Variants in PYROXD2 observed in about 807,000 individuals in gnomAD.
PYROXD2 encodes pyridine nucleotide-disulphide oxidoreductase domain 2.
Under a neutral mutation model 71.1 loss-of-function variants are expected in PYROXD2, and 69 were observed. The observed-to-expected ratio is 0.97, with a 90% CI of 0.80 to 1.19. The LOEUF (loss-of-function observed/expected upper bound fraction) is 1.19. Ranked by LOEUF, PYROXD2 falls within the 50% of genes most tolerant of loss-of-function variation. The pLI is 0.00. For synonymous variants in PYROXD2, 287 were observed against 302.7 expected, an observed-to-expected ratio of 0.95 and a Z score of 0.54; for missense variants, 745 against 748.9, an observed-to-expected ratio of 0.99 and a Z score of 0.06.
chr10:98,408,060 G>C (rs566048915), intron 2 of PYROXD2, 63 bp from the exon 3 acceptor site: 3 of 1,496,618 alleles, frequency 2.0e-6, no homozygotes, highest in Admixed American at 2.0e-5. Context: ...GGGCTCCCTC[G>C]GGCTGACCCG....
At chr10:98,412,613 G>A (rs1843825423) in intron 1 of PYROXD2, among the ~76,000 whole-genome samples, 1 of 152,188 alleles carries the variant, frequency 6.6e-6, no homozygotes, top group Admixed American at 6.5e-5. Flanking sequence ...TCATCTTCAA[G>A]GTGGCGGCCA....
intron 13 of PYROXD2, chr10:98,388,013 C>A: frequency 3.6e-6 from 1 of 274,298 alleles, no homozygotes; most frequent in East Asian, 1.3e-4. Flanking sequence ...CCAGCTTGAC[C>A]ATCCCTTCCT....
intron 5 of PYROXD2, among the ~76,000 whole-genome samples, 187 bp from the exon 6 acceptor site, chr10:98,397,685 T>C (rs927178891): frequency 6.6e-6 from 1 of 151,308 alleles, no homozygotes; most frequent in Non-Finnish European, 1.5e-5. Context: ...CCAGGAAGAG[T>C]GCATGGGGTG....
In PYROXD2 at chr10:98,391,046, G is replaced by A. The variant is rs1842930107; in HGVS notation, c.1099C>T (p.Gln367Ter). Residue 367 changes from glutamine (Q) to a stop codon, truncating the protein, a stop_gained, in exon 11 of 16, where the codon CAG (glutamine) becomes TAG (stop). Coordinates refer to ENST00000370575, the MANE Select transcript of PYROXD2 (RefSeq NM_032709.3). LOFTEE classifies it high-confidence loss of function. ...LPEEFLERIS[Q>*]LDTRSPVTKI... ...GTGACAGGCGACCGGGTGTCCAGCT[G>A]AGAGATTCTCTCCAGGAACTCCTCA... 2 of 1,613,152 alleles carry A rather than the reference G, an allele frequency of 1.2e-6. No individual in the cohort carries two copies. Among genetic ancestry groups the A allele is most frequent in the East Asian group, 2.2e-5 (1 of 44,874 alleles).
intron 4 of PYROXD2, among the ~76,000 whole-genome samples, chr10:98,402,214 T>C (rs1843437206): frequency 6.6e-6 from 1 of 152,226 alleles, no homozygotes; most frequent in Non-Finnish European, 1.5e-5. Flanking sequence ...ATCCTCATTG[T>C]ACAAAAGCAA....
chr10:98,393,717 C>T (rs1843036310), intron 8 of PYROXD2, among the ~76,000 whole-genome samples: 1 of 152,086 alleles, frequency 6.6e-6, no homozygotes, highest in South Asian at 2.1e-4. Context: ...ATCCTGGAGC[C>T]CTATCTTAAA....
rs1843666282 is a variant in PYROXD2, at chr10:98,407,972, AC to A, written c.172del (p.Val58Ter). 3 of 1,608,500 alleles carry A rather than the reference AC, an allele frequency of 1.9e-6. No individual in the cohort carries two copies. Among genetic ancestry groups the A allele is most frequent in the Non-Finnish European group, 1.7e-6 (2 of 1,177,858 alleles). On this transcript the variant is annotated frameshift_variant, in exon 3 of 16. Coordinates refer to ENST00000370575, the MANE Select transcript of PYROXD2 (RefSeq NM_032709.3). LOFTEE classifies it high-confidence loss of function. ...VAAAYLQRLG[V>X]NTAVFERRHV... ...GCGCCTCTCGAAGACGGCGGTGTTC[AC>A]CCCCAGTCTCTGCAGGTACGCTGCC...
chr10:98,399,140 C>T (rs928158906), intron 5 of PYROXD2, among the ~76,000 whole-genome samples: 5 of 151,852 alleles, frequency 3.3e-5, no homozygotes, highest in African/African-American at 9.7e-5. Flanking sequence ...GACCCTGTCT[C>T]AAAAACAAAT....
chr10:98,383,935 G>T, intron 15 of PYROXD2, 67 bp from the exon 16 acceptor site: 2 of 1,397,380 alleles, frequency 1.4e-6, no homozygotes, highest in Non-Finnish European at 2.0e-6. Context: ...GTGGGGACAG[G>T]GCTTACAGAG....
chr10:98,407,714 C>T (rs1447847054), intron 3 of PYROXD2, 59 bp from the exon 4 acceptor site: 10 of 1,539,226 alleles, frequency 6.5e-6, no homozygotes, highest in African/African-American at 2.9e-5. Context: ...GGACCGTCAC[C>T]AGGGGTCAGC....
chr10:98,392,834 T>A, intron 9 of PYROXD2, 108 bp downstream of exon 9: 1 of 1,319,576 alleles, frequency 7.6e-7, no homozygotes, highest in Non-Finnish European at 1.1e-6. Context: ...ACCCATCCCC[T>A]CATGGCCCCT....
intron 8 of PYROXD2, among the ~76,000 whole-genome samples, chr10:98,394,542 C>A (rs1043880035): frequency 1.9e-5 from 2 of 107,924 alleles, no homozygotes; most frequent in African/African-American, 9.6e-5. Flanking sequence ...TTCTCCATCC[C>A]AACACACACA....
chr10:98,405,584 A>C (rs901109328), intron 4 of PYROXD2, among the ~76,000 whole-genome samples: 1 of 152,202 alleles, frequency 6.6e-6, no homozygotes, highest in Non-Finnish European at 1.5e-5. Context: ...GATGAGGAAA[A>C]GAAGGCACCA....
intron 2 of PYROXD2, among the ~76,000 whole-genome samples, chr10:98,410,074 G>A (rs973904225): frequency 8.5e-5 from 12 of 140,718 alleles, no homozygotes; most frequent in South Asian, 2.5e-4. Context: ...GCAAAACTCC[G>A]TCTCAAAAAA....
chr10:98,403,159 C>T (rs1843477348), intron 4 of PYROXD2, among the ~76,000 whole-genome samples: 1 of 152,210 alleles, frequency 6.6e-6, no homozygotes, highest in South Asian at 2.1e-4. Flanking sequence ...GGCTGGGGTC[C>T]CTCCTATCCC....
intron 6 of PYROXD2, 132 bp from the exon 7 acceptor site, chr10:98,395,584 G>A (rs1039094701): frequency 1.3e-6 from 1 of 743,354 alleles, no homozygotes; most frequent in Admixed American, 2.1e-5. Flanking sequence ...GCCAATGCAG[G>A]GACAGATCCA....
chr10:98,390,776 T>G (rs1331853638), intron 11 of PYROXD2, 22 bp from the exon 12 acceptor site: 1 of 1,558,854 alleles, frequency 6.4e-7, no homozygotes, highest in East Asian at 2.3e-5. Flanking sequence ...AAGAGGAGGG[T>G]CAGGTCTTAG....
chr10:98,414,032 A>T (rs1382387037), intron 1 of PYROXD2: 1 of 151,998 alleles, frequency 6.6e-6, no homozygotes, highest in Non-Finnish European at 1.5e-5. Flanking sequence ...GCATGTGTAT[A>T]TGTGTATATA....
At chr10:98,388,218 G>C in intron 13 of PYROXD2, 136 bp downstream of exon 13, 2 of 836,990 alleles carry the variant, frequency 2.4e-6, no homozygotes, top group Non-Finnish European at 3.8e-6. Context: ...TTGACTTGAG[G>C]TTCCCTTGAC....
Sources: allele counts gnomAD v4.1 joint callset (sites outside exome capture counted in the v4.1 genomes callset), GRCh38; gene constraint gnomAD v4.1.1; transcripts MANE v1.5; gene names NCBI Gene and HGNC (gene_info 2026-07-23, HGNC 2026-07-21).